SUN5: variants seen among roughly 807,000 people sequenced by gnomAD.
SUN5 encodes Sad1 and UNC84 domain containing 5, also known as SUN domain-containing protein 5.
A neutral mutation model predicts 53.7 loss-of-function variants in SUN5; 44 were observed. That is an observed-to-expected ratio of 0.82 (90% CI 0.64 to 1.05). SUN5 has a LOEUF of 1.05. Among genes scored for constraint, SUN5 ranks in the 50% least tolerant of loss-of-function variants. SUN5 has a pLI of 0.00. For missense variants in SUN5, 433 were observed against 483.8 expected (o/e 0.90, Z 0.98); for synonymous variants, 166 against 179.8 (o/e 0.92, Z 0.62).
Position 33,002,895 on chromosome 20 carries a change from G to T in SUN5, c.102C>A (p.Thr34=). The T allele has an allele frequency of 6.2e-7, 1 of 1,614,156 alleles. No homozygotes were observed. Among genetic ancestry groups the T allele is most frequent in the African/African-American group, 1.3e-5 (1 of 75,046 alleles). ...GGGAGGTGTCCTCTGCCATCCTGCT[G>T]GTGTTCCGGCCTCGCTGGGCAATCC... is the stretch of plus-strand genomic sequence containing the variant. ...PRRIAQRGRN[T]SRMAEDTSPN... Residue 34 remains threonine, a synonymous_variant, in exon 2 of 13, where the codon ACC becomes ACA. Coordinates refer to ENST00000356173, the MANE Select transcript of SUN5 (RefSeq NM_080675.4).
intron 5 of SUN5, chr20:32,999,809 G>GAA: frequency 2.6e-6 from 3 of 1,152,086 alleles, no homozygotes; most frequent in Non-Finnish European, 3.7e-6. Flanking sequence ...GTGGTGGCTG[G>GAA]AAAGAAGCCA....
chr20:32,996,367 G>A lies in SUN5; in HGVS notation c.391-9C>T. 1 of 1,612,642 alleles carries A rather than the reference G, an allele frequency of 6.2e-7. No individual in the cohort carries two copies. The highest frequency in any genetic ancestry group is 2.2e-5 in the East Asian group (1 of 44,834). ...CCATTTATGCTGTCATCCTGGTGGA[G>A]TATTGAGAAAGTAAGGGGTCTCCTT... On this transcript the variant is annotated splice_polypyrimidine_tract_variant and intron_variant, in intron 6 of 12. Transcript: ENST00000356173.
At position 33,002,614 on chromosome 20, in the gene SUN5, G is replaced by A. The variant is rs6120079; in HGVS notation, c.184C>T (p.Leu62=). Reference sequence around the variant, plus strand: ...ACACATCCCAGCATGCACTGAGTCAGGCCTAGGGCTTGGTCATTGTTGCGG... The same window carrying A: ...ACACATCCCAGCATGCACTGAGTCAAGCCTAGGGCTTGGTCATTGTTGCGG... The part of the protein sequence containing the change: ...PVRNNDQALG[L]TQCMLGCVSW... Residue 62 remains leucine (L), a synonymous_variant, in exon 3 of 13, where the codon CTG becomes TTG. Coordinates refer to ENST00000356173, the MANE Select transcript of SUN5 (RefSeq NM_080675.4). 1 of 1,614,234 alleles carries A rather than the reference G, an allele frequency of 6.2e-7. No individual in the cohort carries two copies. The highest frequency in any genetic ancestry group is 1.6e-4 in the Middle Eastern group (1 of 6,062).
chr20:32,998,350 A>C (rs1989908448), intron 5 of SUN5, among the ~76,000 whole-genome samples: 1 of 151,998 alleles, frequency 6.6e-6, no homozygotes, highest in African/African-American at 2.4e-5. Flanking sequence ...CCCTGTCTAA[A>C]AAACAAACAG....
chr20:32,996,640 TCCC>T (rs1422505181), intron 6 of SUN5, among the ~76,000 whole-genome samples: 1 of 108,130 alleles, frequency 9.2e-6, no homozygotes, highest in Non-Finnish European at 1.7e-5. Flanking sequence ...CTCCCCAACT[TCCC>T]CCATCTATTT....
intron 9 of SUN5, among the ~76,000 whole-genome samples, chr20:32,988,586 T>TTATG (rs1287491754): frequency 6.6e-6 from 1 of 151,772 alleles, no homozygotes; most frequent in Non-Finnish European, 1.5e-5. Context: ...TTTTATTTAT[T>TTATG]TATTTATTTA....
chr20:33,001,463 G>A (rs1316116186), intron 3 of SUN5, among the ~76,000 whole-genome samples, 185 bp from the exon 4 acceptor site: 2 of 150,392 alleles, frequency 1.3e-5, no homozygotes, highest in Non-Finnish European at 3.0e-5. Flanking sequence ...GTGAGTACAG[G>A]TCACTACAGG....
Position 32,987,717 on chromosome 20 carries a change from G to A in SUN5, c.672C>T (p.Ser224=), listed in dbSNP as rs1373559885. Residue 224 remains serine (S), a synonymous_variant, in exon 10 of 13, where the codon TCC becomes TCT. Transcript: ENST00000356173. ...TCCACAGCTGGATCCAGTTCCAGTA[G>A]GAGTGGGCCTTCTCATGGTTATAGG... ...SVTYNHEKAH[S]YWNWIQLWNY... The A allele has an allele frequency of 1.2e-6, 2 of 1,613,632 alleles. No individual in the cohort carries two copies. Among genetic ancestry groups the A allele is most frequent in the South Asian group, 2.2e-5 (2 of 90,816 alleles).
chr20:32,994,257 C>A (rs989638784), intron 8 of SUN5, among the ~76,000 whole-genome samples: 1 of 152,154 alleles, frequency 6.6e-6, no homozygotes, highest in Non-Finnish European at 1.5e-5. Context: ...TTTCATCCTC[C>A]TTATAAAGAA....
intron 4 of SUN5, among the ~76,000 whole-genome samples, chr20:33,000,755 C>T (rs6059005): frequency 0.035 from 5,260 of 150,236 alleles, 308 homozygotes; most frequent in African/African-American, 0.12. Context: ...TGAGGTGGGA[C>T]GATTGCTTGA....
At chr20:32,992,651 G>A (rs1989740319) in intron 8 of SUN5, among the ~76,000 whole-genome samples, 1 of 152,156 alleles carries the variant, frequency 6.6e-6, no homozygotes, top group Non-Finnish European at 1.5e-5. Flanking sequence ...AGAGTGAAAA[G>A]CCACGCTATA....
chr20:32,999,735 T>A, intron 5 of SUN5: 1 of 574,884 alleles, frequency 1.7e-6, no homozygotes, highest in Non-Finnish European at 3.0e-6. Flanking sequence ...AAAGCCAGTA[T>A]ATGTCAGTGG....
chr20:32,992,730 C>T (rs1049903883), intron 8 of SUN5, among the ~76,000 whole-genome samples: 28 of 152,018 alleles, frequency 1.8e-4, no homozygotes, highest in Non-Finnish European at 2.8e-4. Context: ...AGAAGAACTC[C>T]GACATATCAA....
At chr20:32,992,290 GAGAA>G (rs1989729759) in intron 8 of SUN5, among the ~76,000 whole-genome samples, 1 of 152,166 alleles carries the variant, frequency 6.6e-6, no homozygotes, top group Admixed American at 6.5e-5. Flanking sequence ...ATCCCCAATT[GAGAA>G]CCACTGATTT....
At chr20:32,984,530 A>G (rs1028917965) in intron 12 of SUN5, among the ~76,000 whole-genome samples, 4 of 152,172 alleles carry the variant, frequency 2.6e-5, no homozygotes, top group Non-Finnish European at 5.9e-5. Context: ...ACAGAAGGGG[A>G]AAACTGAGGC....
In SUN5 at chr20:33,002,520, G is replaced by A. The variant is rs1256777808; in HGVS notation, c.211+67C>T. On this transcript the variant is annotated intron_variant, in intron 3 of 12. Coordinates refer to ENST00000356173, the MANE Select transcript of SUN5 (RefSeq NM_080675.4). ...GCATTGCCACCCCCAGGTCAGCCTG[G>A]GCCGAGGCTGGACCCTCTCCCCAGA... 3.9e-6 allele frequency: 6 copies of A among 1,549,128 alleles called. No individual in the cohort carries two copies. The South Asian group carries it at 5.6e-5, about 15-fold the overall frequency.
chr20:33,002,135 G>A (rs185417635), intron 3 of SUN5, among the ~76,000 whole-genome samples: 1 of 148,464 alleles, frequency 6.7e-6, no homozygotes, highest in Admixed American at 6.8e-5. Context: ...CACAGGGGTG[G>A]ATGGAAGAAG....
At chr20:32,992,794 G>A (rs897167559) in intron 8 of SUN5, among the ~76,000 whole-genome samples, 8 of 152,082 alleles carry the variant, frequency 5.3e-5, no homozygotes, top group Non-Finnish European at 1.0e-4. Flanking sequence ...AATGGCCGCT[G>A]GATACAAGAA....
intron 3 of SUN5, 114 bp from the exon 4 acceptor site, chr20:33,001,392 G>T: frequency 1.6e-6 from 2 of 1,222,554 alleles, no homozygotes; most frequent in South Asian, 1.4e-5. Context: ...AGACCCTCTC[G>T]ACTTGTTGGC....
Sources: gnomAD v4.1 joint callset for allele counts (sites outside exome capture counted in the v4.1 genomes callset) on GRCh38, gnomAD v4.1.1 for gene constraint, MANE v1.5 for transcripts, NCBI Gene and HGNC (gene_info 2026-07-23, HGNC 2026-07-21) for gene names.